Variants in OR51B5 observed in about 807,000 individuals in gnomAD.
OR51B5 encodes the protein olfactory receptor 51B5.
For missense variants in OR51B5, 456 were observed against 374.6 expected (o/e 1.22, Z -1.79); for synonymous variants, 186 against 144.8 (o/e 1.28, Z -2.04).
chr11:5,503,759 T>C (rs953942364), intron 1 of OR51B5, among the ~76,000 whole-genome samples: 2 of 152,184 alleles, frequency 1.3e-5, no homozygotes, highest in Non-Finnish European at 2.9e-5. Flanking sequence ...CAGTCTAGTG[T>C]AGATACTCGC....
chr11:5,428,922 C>T (rs1232185822), intron 1 of OR51B5, among the ~76,000 whole-genome samples: 3 of 152,146 alleles, frequency 2.0e-5, no homozygotes, highest in Non-Finnish European at 4.4e-5. Flanking sequence ...TTTTTACTGT[C>T]CCTTACTGCT....
chr11:5,466,113 A>C (rs1034294450), intron 1 of OR51B5, among the ~76,000 whole-genome samples: 2 of 152,232 alleles, frequency 1.3e-5, no homozygotes, highest in African/African-American at 2.4e-5. Context: ...AATTTACAAA[A>C]ACAAACAACC....
rs560894758 is a variant in OR51B5 at position 5,356,659 on chromosome 11, C to A, written n.85-9749G>T. Among the ~76,000 whole-genome samples, 37 of 125,006 alleles carry A rather than the reference C, an allele frequency of 3.0e-4. 5 individuals carry two copies. Among genetic ancestry groups the A allele is most frequent in the Non-Finnish European group, 4.5e-4 (25 of 55,708 alleles). 82.0% of individuals were successfully genotyped at this position (125,006 alleles called of 152,430 possible). On this transcript the variant is annotated intron_variant and non_coding_transcript_variant, in intron 1 of 4. Coordinates refer to the OR51B5 transcript ENST00000415970. ...AGATACTCCTTGAGAAGAGCAACTACAAGGCACATAATTGTCAGATTCACC... is the reference window on the plus strand; with the variant it reads ...AGATACTCCTTGAGAAGAGCAACTAAAAGGCACATAATTGTCAGATTCACC...
rs1035181956 is a variant in OR51B5, at chr11:5,371,694, C to T, written n.85-24784G>A. The stretch of plus-strand genomic sequence containing the variant: ...ATATGTGTACATAGTGAGATGATTA[C>T]TTCAATCAAGCAAATTAACCTATCC... On this transcript the variant is annotated intron_variant and non_coding_transcript_variant, in intron 1 of 4. Transcript: ENST00000415970. Among the ~76,000 whole-genome samples, 4 of 152,084 alleles carry T rather than the reference C, an allele frequency of 2.6e-5. No individual in the cohort carries two copies. The East Asian group carries it at 7.7e-4, about 29-fold the overall frequency.
intron 1 of OR51B5, among the ~76,000 whole-genome samples, chr11:5,490,656 T>C (rs1453087038): frequency 6.6e-6 from 1 of 152,230 alleles, no homozygotes; most frequent in African/African-American, 2.4e-5. Context: ...ATTAAAAGCC[T>C]GTCATTCAGG....
chr11:5,340,861 A>ATAAGT (rs1215233356), downstream of OR51B5: 1 of 152,224 alleles, frequency 6.6e-6, no homozygotes, highest in East Asian at 1.9e-4. Context: ...TATGAATAAA[A>ATAAGT]TAAGTTGTGG....
intron 1 of OR51B5, among the ~76,000 whole-genome samples, chr11:5,366,840 G>T (rs893686114): frequency 1.8e-4 from 27 of 152,148 alleles, no homozygotes; most frequent in Admixed American, 1.8e-3. Context: ...TCCCAAGCAC[G>T]GGTCTCTGTG....
intron 1 of OR51B5, among the ~76,000 whole-genome samples, chr11:5,502,967 T>C (rs79917884): frequency 6.6e-6 from 1 of 152,244 alleles, no homozygotes; most frequent in Non-Finnish European, 1.5e-5. Context: ...GAAATATTTA[T>C]TGAACTGTGA....
intron 1 of OR51B5, among the ~76,000 whole-genome samples, chr11:5,499,167 T>G (rs1322174536): frequency 2.0e-5 from 3 of 152,168 alleles, no homozygotes; most frequent in Non-Finnish European, 1.5e-5. Context: ...TTTTCTTAAA[T>G]GATGTCTATG....
At chr11:5,492,210 A>G (rs1590028024) in intron 1 of OR51B5, among the ~76,000 whole-genome samples, 1 of 151,910 alleles carries the variant, frequency 6.6e-6, no homozygotes, top group East Asian at 1.9e-4. Context: ...TCACCCCACC[A>G]AGTCTGTCTC....
chr11:5,469,779 C>T (rs1851198474), intron 1 of OR51B5, among the ~76,000 whole-genome samples: 1 of 152,122 alleles, frequency 6.6e-6, no homozygotes, highest in African/African-American at 2.4e-5. Context: ...GGGTCATAGC[C>T]ATCAGTTTCT....
At chr11:5,413,618 G>A (rs532065299) in intron 1 of OR51B5, among the ~76,000 whole-genome samples, 57 of 152,266 alleles carry the variant, frequency 3.7e-4, no homozygotes, top group Admixed American at 1.7e-3. Flanking sequence ...GCCAAGGCTC[G>A]AGAACGATGT....
chr11:5,370,674 G>C (rs958561698), intron 1 of OR51B5, among the ~76,000 whole-genome samples: 1 of 151,972 alleles, frequency 6.6e-6, no homozygotes, highest in African/African-American at 2.4e-5. Flanking sequence ...GCAACTACTG[G>C]GTACAAAAAT....
chr11:5,417,570 C>A (rs1229188290), intron 1 of OR51B5, among the ~76,000 whole-genome samples: 1 of 147,336 alleles, frequency 6.8e-6, no homozygotes, highest in East Asian at 2.4e-4. Context: ...TGAACTCAAA[C>A]AAATTTACAA....
chr11:5,486,131 A>G (rs1197897697), intron 1 of OR51B5, among the ~76,000 whole-genome samples: 1 of 34,488 alleles, frequency 2.9e-5, no homozygotes, highest in African/African-American at 1.0e-4. Context: ...CTGTGAGAGA[A>G]TATGTTTCTG....
chr11:5,459,875 A>G (rs1851020709), intron 1 of OR51B5, among the ~76,000 whole-genome samples: 2 of 152,184 alleles, frequency 1.3e-5, no homozygotes, highest in Non-Finnish European at 2.9e-5. Context: ...TAATCCTACT[A>G]CTGGGTATAT....
chr11:5,491,197 G>A (rs1466323418), intron 1 of OR51B5, among the ~76,000 whole-genome samples: 4 of 152,198 alleles, frequency 2.6e-5, no homozygotes, highest in African/African-American at 9.6e-5. Flanking sequence ...GCACACAGTA[G>A]GTACTCAGTA....
chr11:5,445,195 G>C (rs993633530), intron 1 of OR51B5, among the ~76,000 whole-genome samples: 1 of 152,056 alleles, frequency 6.6e-6, no homozygotes, highest in Non-Finnish European at 1.5e-5. Flanking sequence ...AAAAGACTAT[G>C]AAATAGAGAC....
intron 1 of OR51B5, among the ~76,000 whole-genome samples, chr11:5,419,138 A>G (rs1197602720): frequency 2.0e-5 from 3 of 152,196 alleles, no homozygotes; most frequent in Non-Finnish European, 4.4e-5. Context: ...AAGATTTCTT[A>G]TCTTCTCTAT....
Sources: gnomAD v4.1 joint callset for allele counts (sites outside exome capture counted in the v4.1 genomes callset) on GRCh38, gnomAD v4.1.1 for gene constraint, MANE v1.5 for transcripts, NCBI Gene and HGNC (gene_info 2026-07-23, HGNC 2026-07-21) for gene names.